Variants in PACRG observed in about 807,000 individuals in gnomAD.
PACRG encodes parkin coregulated.
A neutral mutation model predicts 29.7 loss-of-function variants in PACRG; 29 were observed. The observed-to-expected ratio is 0.98, with a 90% CI of 0.73 to 1.33. The LOEUF (loss-of-function observed/expected upper bound fraction) is 1.33. Ranked by LOEUF, PACRG falls within the 40% of genes most tolerant of loss-of-function variation. The probability of loss-of-function intolerance (pLI) is 0.00; values close to 1 mark genes in which losing one functional copy is unlikely to be tolerated. For synonymous variants in PACRG, 116 were observed against 118.7 expected (o/e 0.98, Z 0.15); for missense variants, 279 against 316.2 (o/e 0.88, Z 0.89).
intron 2 of PACRG, among the ~76,000 whole-genome samples, chr6:162,838,655 A>T (rs946962067): frequency 9.2e-5 from 14 of 151,770 alleles, no homozygotes; most frequent in African/African-American, 3.1e-4. Flanking sequence ...GGTTAGTTAC[A>T]TATGTATACA....
intron 4 of PACRG, among the ~76,000 whole-genome samples, chr6:163,144,726 G>A (rs780566994): frequency 2.0e-5 from 3 of 151,936 alleles, no homozygotes; most frequent in Admixed American, 6.5e-5. Context: ...CCAAGATCAC[G>A]CCACTGCACT....
chr6:163,314,263 G>C (rs555283028), intron 4 of PACRG, among the ~76,000 whole-genome samples: 9 of 152,326 alleles, frequency 5.9e-5, no homozygotes, highest in African/African-American at 2.2e-4. Flanking sequence ...AGCAGCCAGG[G>C]CAGGAGAAGC....
intron 4 of PACRG, among the ~76,000 whole-genome samples, chr6:163,133,679 G>A (rs866058839): frequency 4.6e-5 from 7 of 152,132 alleles, no homozygotes; most frequent in South Asian, 2.1e-4. Flanking sequence ...TGTCGAGCCC[G>A]GTGCAAAATG....
At chr6:162,841,470 T>C (rs2128409330) in intron 2 of PACRG, among the ~76,000 whole-genome samples, 1 of 152,318 alleles carries the variant, frequency 6.6e-6, no homozygotes, top group East Asian at 1.9e-4. Flanking sequence ...ATTGCATCTA[T>C]TAGATTTTTC....
At chr6:162,886,504 T>G (rs1183626813) in intron 2 of PACRG, among the ~76,000 whole-genome samples, 6 of 152,218 alleles carry the variant, frequency 3.9e-5, no homozygotes, top group African/African-American at 1.4e-4. Context: ...AGTTCAGAGA[T>G]CTGTCTGTTC....
intron 4 of PACRG, among the ~76,000 whole-genome samples, chr6:163,184,340 A>G (rs908397574): frequency 2.0e-5 from 3 of 152,178 alleles, no homozygotes; most frequent in African/African-American, 7.2e-5. Flanking sequence ...TGTTTCTTTA[A>G]TGCTACATTA....
At chr6:162,748,718 G>C (rs1455916887) in intron 1 of PACRG, among the ~76,000 whole-genome samples, 1 of 151,924 alleles carries the variant, frequency 6.6e-6, no homozygotes, top group African/African-American at 2.4e-5. Flanking sequence ...CCTCCCCCAG[G>C]TTCACATCCC....
intron 2 of PACRG, among the ~76,000 whole-genome samples, chr6:162,954,763 A>G (rs1302359557): frequency 6.6e-6 from 1 of 152,248 alleles, no homozygotes; most frequent in Non-Finnish European, 1.5e-5. Context: ...CAAAAAGAGT[A>G]AGCAAATAAA....
At chr6:163,087,700 G>A (rs1813719240) in intron 3 of PACRG, among the ~76,000 whole-genome samples, 1 of 151,540 alleles carries the variant, frequency 6.6e-6, no homozygotes, top group South Asian at 2.1e-4. Context: ...GAGAGGAGGT[G>A]AGGATGGAAA....
At chr6:163,220,851 T>G (rs1031072386) in intron 4 of PACRG, among the ~76,000 whole-genome samples, 1 of 152,194 alleles carries the variant, frequency 6.6e-6, no homozygotes, top group African/African-American at 2.4e-5. Flanking sequence ...ATTTCTTTGT[T>G]AAATCCTCAC....
At chr6:162,969,437 C>A (rs936501464) in intron 2 of PACRG, among the ~76,000 whole-genome samples, 1 of 152,066 alleles carries the variant, frequency 6.6e-6, no homozygotes, top group East Asian at 1.9e-4. Context: ...TGAAATACTA[C>A]AACCAACCCC....
At position 163,269,944 on chromosome 6, in the gene PACRG, AAAGAAAGAAAGAAAGAAAG is replaced by A. The variant is rs1562350104; in HGVS notation, c.614-44880_614-44862del. On this transcript the variant is annotated intron_variant, in intron 4 of 4. Transcript: ENST00000366888. ...AAAGAAAGAAAACAAAGAAAGAAAGAAAGAAAGAAAGAAAGAAAGAAAGAAAGAAAGAAAGAAAGAAAGA... is the reference window on the plus strand; with the variant it reads ...AAAGAAAGAAAACAAAGAAAGAAAGAAAAGAAAGAAAGAAAGAAAGAAAGA... Among the ~76,000 whole-genome samples, 135 of 36,262 alleles carry A rather than the reference AAAGAAAGAAAGAAAGAAAG, an allele frequency of 3.7e-3. 6 individuals are homozygous for A. The highest frequency in any genetic ancestry group is 5.6e-3 in the Non-Finnish European group (106 of 18,970). The allele number at this position is 36,262 out of a possible 152,430, so 23.8% of individuals were successfully genotyped here.
chr6:162,988,177 G>A (rs561500562), intron 2 of PACRG, among the ~76,000 whole-genome samples: 3 of 152,298 alleles, frequency 2.0e-5, no homozygotes, highest in Middle Eastern at 3.4e-3. Context: ...CCATCCAAGT[G>A]GGAGCTGCAT....
intron 4 of PACRG, among the ~76,000 whole-genome samples, chr6:163,274,861 C>T (rs1272194143): frequency 2.7e-4 from 34 of 126,310 alleles, no homozygotes; most frequent in Admixed American, 3.4e-4. Flanking sequence ...TTCTTTCTTT[C>T]TTTTTTTTTT....
chr6:162,871,904 C>G (rs951817726), intron 2 of PACRG, among the ~76,000 whole-genome samples: 3 of 150,238 alleles, frequency 2.0e-5, no homozygotes, highest in Non-Finnish European at 3.0e-5. Flanking sequence ...GTGACAGAGC[C>G]AGACTCCGTC....
chr6:163,026,416 T>A (rs1001068465), intron 2 of PACRG, among the ~76,000 whole-genome samples: 1 of 152,226 alleles, frequency 6.6e-6, no homozygotes, highest in Non-Finnish European at 1.5e-5. Flanking sequence ...ATTAAATTGC[T>A]TTGGTAGAAT....
chr6:162,809,424 C>T (rs1404484038), intron 1 of PACRG, among the ~76,000 whole-genome samples: 1 of 152,152 alleles, frequency 6.6e-6, no homozygotes, highest in Non-Finnish European at 1.5e-5. Context: ...GTAAAGTTCT[C>T]TTCTAAATAA....
intron 2 of PACRG, among the ~76,000 whole-genome samples, chr6:162,959,700 G>T (rs1237895189): frequency 1.3e-5 from 2 of 152,140 alleles, no homozygotes; most frequent in African/African-American, 4.8e-5. Flanking sequence ...GGAAAAAGGA[G>T]GCCATTTGGG....
At chr6:163,243,951 A>T (rs991227941) in intron 4 of PACRG, among the ~76,000 whole-genome samples, 1 of 152,226 alleles carries the variant, frequency 6.6e-6, no homozygotes, top group African/African-American at 2.4e-5. Flanking sequence ...CAAACAGAGT[A>T]AGCAGAGACT....
Sources: allele counts gnomAD v4.1 joint callset (sites outside exome capture counted in the v4.1 genomes callset), GRCh38; gene constraint gnomAD v4.1.1; transcripts MANE v1.5; gene names NCBI Gene and HGNC (gene_info 2026-07-23, HGNC 2026-07-21).